Variants in MYH15 observed in about 807,000 individuals in gnomAD.
The protein encoded by MYH15 is myosin heavy chain 15.
Under a neutral mutation model 240.5 loss-of-function variants are expected in MYH15, and 227 were observed. The observed-to-expected ratio is 0.94, with a 90% CI of 0.85 to 1.05. The LOEUF is 1.05. Among genes scored for constraint, MYH15 ranks in the 50% least tolerant of loss-of-function variants. MYH15 has a pLI of 0.00. For missense variants in MYH15, 2,217 were observed against 2,247.5 expected, an observed-to-expected ratio of 0.99 and a Z score of 0.27; for synonymous variants, 785 against 796.7, an observed-to-expected ratio of 0.99 and a Z score of 0.25.
rs2082588253 is a variant in MYH15 at position 108,410,930 on chromosome 3, T to G, written c.4148A>C (p.Lys1383Thr). The stretch of plus-strand genomic sequence containing the variant: ...CTCCTGCAATCTAATTGCCAGTTCC[T>G]TCCTGAGAAAGGAGGACACCCAAAG... ...QRTEDLEDAK[K>T]ELAIRLQEAA... Residue 1383 changes from lysine (K) to threonine (T), a missense_variant and splice_region_variant, in exon 31 of 41, where the codon AAG (lysine) becomes ACG (threonine). Coordinates refer to ENST00000693548, the MANE Select transcript of MYH15 (RefSeq NM_014981.3). The G allele has an allele frequency of 6.3e-7, 1 of 1,592,594 alleles. No homozygotes were observed. Among genetic ancestry groups the G allele is most frequent in the Admixed American group, 1.7e-5 (1 of 59,402 alleles).
At chr3:108,395,322 C>T (rs1004660988) in intron 35 of MYH15, among the ~76,000 whole-genome samples, 4 of 152,216 alleles carry the variant, frequency 2.6e-5, no homozygotes, top group Admixed American at 2.0e-4. Context: ...GTTCTATCTA[C>T]CCCATTTCTC....
At position 108,429,027 on chromosome 3, in the gene MYH15, G is replaced by T. The variant is rs547182596; in HGVS notation, c.3313-146C>A. The T allele has an allele frequency of 1.7e-4, 146 of 875,738 alleles. 1 individual carries two copies. The South Asian group carries it at 2.7e-3, about 16-fold the overall frequency. 54.2% of individuals were successfully genotyped at this position (875,738 alleles called of 1,614,324 possible). On this transcript the variant is annotated intron_variant, in intron 26 of 40. Transcript: ENST00000693548. ...AGAATACACAGAAGTTAAGTGATTT[G>T]CCCCAATTCAGTACCAAGACCAGAA...
intron 21 of MYH15, among the ~76,000 whole-genome samples, chr3:108,449,664 T>C (rs1161342005): frequency 4.6e-5 from 7 of 152,000 alleles, no homozygotes; most frequent in Admixed American, 6.6e-5. Context: ...GTTTCTGACA[T>C]TGGTTTTGGC....
At chr3:108,498,412 C>T (rs750766680) in intron 5 of MYH15, among the ~76,000 whole-genome samples, 2 of 152,100 alleles carry the variant, frequency 1.3e-5, no homozygotes, top group Admixed American at 6.5e-5. Flanking sequence ...TCCTTGTGGT[C>T]CTAATAACAA....
chr3:108,387,076 T>C (rs1179540402), intron 38 of MYH15, among the ~76,000 whole-genome samples: 1 of 152,166 alleles, frequency 6.6e-6, no homozygotes, highest in Non-Finnish European at 1.5e-5. Context: ...GGACCAGCCA[T>C]AGAACTGTCA....
chr3:108,493,304 C>CAAA, intron 7 of MYH15, 127 bp from the exon 8 acceptor site: 16 of 466,072 alleles, frequency 3.4e-5, no homozygotes, highest in Non-Finnish European at 4.9e-5. Flanking sequence ...AAAAAACAAA[C>CAAA]AAAAAAAAAA....
Position 108,493,106 on chromosome 3 carries a change from C to T in MYH15, c.775+8G>A. ...AAAAAGTAATCAGACAGTGCAATGA[C>T]TACTTACAGATATCAATGTCCACAG... On this transcript the variant is annotated splice_region_variant and intron_variant, in intron 8 of 40. Coordinates refer to ENST00000693548, the MANE Select transcript of MYH15 (RefSeq NM_014981.3). The T allele has an allele frequency of 6.2e-7, 1 of 1,612,472 alleles. No homozygotes were observed. Among genetic ancestry groups the T allele is most frequent in the African/African-American group, 1.3e-5 (1 of 74,974 alleles).
intron 12 of MYH15, among the ~76,000 whole-genome samples, chr3:108,473,009 CT>C (rs1458102980): frequency 6.6e-6 from 1 of 151,998 alleles, no homozygotes; most frequent in Non-Finnish European, 1.5e-5. Flanking sequence ...AATAGTTAAT[CT>C]TTTTTGTTTG....
chr3:108,514,400 T>C (rs2107258722), upstream of MYH15, among the ~76,000 whole-genome samples: 1 of 152,286 alleles, frequency 6.6e-6, no homozygotes, highest in East Asian at 1.9e-4. Flanking sequence ...CTCAGGTATT[T>C]TGCAAACACC....
In MYH15 at chr3:108,394,024, G is replaced by A; in HGVS notation, c.5259+7C>T. On this transcript the variant is annotated splice_region_variant and intron_variant, in intron 36 of 40. Coordinates refer to ENST00000693548, the MANE Select transcript of MYH15 (RefSeq NM_014981.3). Reference sequence around the variant, plus strand: ...GACAGGATTGAGTACGTGGTCAAGGGACCCACCTCAATGGCTGCCTTCTTG... The same window carrying A: ...GACAGGATTGAGTACGTGGTCAAGGAACCCACCTCAATGGCTGCCTTCTTG... 1.9e-6 allele frequency: 3 copies of A among 1,613,538 alleles called. No individual in the cohort carries two copies. Among genetic ancestry groups the A allele is most frequent in the Non-Finnish European group, 2.5e-6 (3 of 1,179,932 alleles).
chr3:108,390,245 T>C (rs1009979840), intron 37 of MYH15, among the ~76,000 whole-genome samples: 19 of 152,184 alleles, frequency 1.2e-4, no homozygotes, highest in Admixed American at 1.2e-3. Flanking sequence ...GTAAATACTA[T>C]TGGATATCAT....
intron 1 of MYH15, among the ~76,000 whole-genome samples, chr3:108,519,310 AAGT>A: frequency 6.6e-6 from 1 of 152,336 alleles, no homozygotes; most frequent in Non-Finnish European, 1.5e-5. Context: ...AGATTTAAAT[AAGT>A]AGTTTATTTT....
At chr3:108,466,860 T>C (rs2083123424) in intron 14 of MYH15, among the ~76,000 whole-genome samples, 1 of 152,192 alleles carries the variant, frequency 6.6e-6, no homozygotes, top group Admixed American at 6.5e-5. Flanking sequence ...GTGTTGGATG[T>C]CATATGTTCA....
At chr3:108,422,136 T>C (rs978793448) in intron 27 of MYH15, among the ~76,000 whole-genome samples, 2 of 152,210 alleles carry the variant, frequency 1.3e-5, no homozygotes, top group African/African-American at 2.4e-5. Flanking sequence ...ACAGTAAAAT[T>C]ACATTGGTGG....
At chr3:108,477,649 A>AT (rs2083231669) in intron 11 of MYH15, among the ~76,000 whole-genome samples, 1 of 152,170 alleles carries the variant, frequency 6.6e-6, no homozygotes, top group African/African-American at 2.4e-5. Flanking sequence ...ATAATTATAG[A>AT]CAAGCACCAA....
chr3:108,523,416 T>C (rs750921339), intron 1 of MYH15, among the ~76,000 whole-genome samples: 1 of 151,996 alleles, frequency 6.6e-6, no homozygotes, highest in Non-Finnish European at 1.5e-5. Context: ...CCTGTAAATA[T>C]ATGCAATTAT....
At chr3:108,391,973 T>C in intron 36 of MYH15, 43 bp from the exon 37 acceptor site, 1 of 1,596,272 alleles carries the variant, frequency 6.3e-7, no homozygotes, top group Non-Finnish European at 8.5e-7. Context: ...CAGCAGTCAA[T>C]TGATCTTAAC....
At chr3:108,455,948 A>G (rs2083016327) in intron 19 of MYH15, 89 bp from the exon 20 acceptor site, 1 of 1,281,322 alleles carries the variant, frequency 7.8e-7, no homozygotes, top group Non-Finnish European at 1.1e-6. Context: ...GAAAGGAGAC[A>G]TAGATTTTTA....
At chr3:108,437,835 A>G in intron 24 of MYH15, 136 bp from the exon 25 acceptor site, 1 of 866,796 alleles carries the variant, frequency 1.2e-6, no homozygotes, top group Non-Finnish European at 1.7e-6. Context: ...AGTAACATAG[A>G]TATTTCCAAA....
Sources: allele counts gnomAD v4.1 joint callset (sites outside exome capture counted in the v4.1 genomes callset), GRCh38; gene constraint gnomAD v4.1.1; transcripts MANE v1.5; gene names NCBI Gene and HGNC (gene_info 2026-07-23, HGNC 2026-07-21).